The following YJU2B variants were observed in gnomAD, a reference collection of about 807,000 sequenced individuals.
YJU2B encodes the protein probable splicing factor YJU2B.
YJU2B carries 18 observed loss-of-function variants against 38.0 expected under a neutral mutation model. The observed-to-expected ratio is 0.47, with a 90% confidence interval of 0.33 to 0.70. The LOEUF (loss-of-function observed/expected upper bound fraction) is 0.70, where lower values mean the gene tolerates loss of function less well. YJU2B is among the 30% of genes least tolerant of loss of function. The probability of loss-of-function intolerance (pLI) is 0.02; values close to 1 mark genes in which losing one functional copy is unlikely to be tolerated. For synonymous variants in YJU2B, 246 were observed against 225.4 expected (o/e 1.09, Z -0.82); for missense variants, 538 against 556.3 (o/e 0.97, Z 0.33).
intron 2 of YJU2B, among the ~76,000 whole-genome samples, chr19:13,741,219 A>G (rs74183034): frequency 0.052 from 7,094 of 136,942 alleles, 253 homozygotes; most frequent in Non-Finnish European, 0.074. Context: ...CAATGGCGTG[A>G]TCTCAGCTCA....
In YJU2B at chr19:13,751,714, C is replaced by A; in HGVS notation, c.-95C>A. 4 of 1,350,850 alleles carry A rather than the reference C, an allele frequency of 3.0e-6. No individual in the cohort carries two copies. The highest frequency in any genetic ancestry group is 1.2e-5 in the South Asian group (1 of 85,066). 83.7% of individuals were successfully genotyped at this position (1,350,850 alleles called of 1,614,324 possible). A position where few individuals can be genotyped will look rare whatever the true frequency, so the allele number is the denominator to read the frequency against. On this transcript the variant is annotated 5_prime_UTR_variant, in exon 2 of 10. Coordinates refer to ENST00000221554, the MANE Select transcript of YJU2B (RefSeq NM_030818.4). ...GCAGGGAAGCCTGTGGACCCTCTGC[C>A]AGGCTCCACAAGAGGTCAGGACAGT...
chr19:13,762,286 G>T lies in YJU2B; in HGVS notation c.574-13G>T. 8.7e-6 allele frequency: 14 copies of T among 1,612,738 alleles called. No homozygotes were observed. The highest frequency in any genetic ancestry group is 1.3e-5 in the African/African-American group (1 of 74,892). Reference sequence around the variant, plus strand: ...ACACCCCCTATCTCTGGTGTTCTTGGCCCTCAACACAGGAAAAGAAAAAAG... The same window carrying T: ...ACACCCCCTATCTCTGGTGTTCTTGTCCCTCAACACAGGAAAAGAAAAAAG... On this transcript the variant is annotated splice_polypyrimidine_tract_variant and intron_variant, in intron 8 of 9. Coordinates refer to ENST00000221554, the MANE Select transcript of YJU2B (RefSeq NM_030818.4).
upstream of YJU2B, chr19:13,747,767 T>C (rs1311264835): frequency 6.6e-6 from 1 of 152,378 alleles, no homozygotes; most frequent in Non-Finnish European, 1.5e-5. Flanking sequence ...GGCGGGGCAT[T>C]CCTGGATTGG....
At chr19:13,760,515 A>C (rs2077857051) in intron 8 of YJU2B, among the ~76,000 whole-genome samples, 1 of 152,124 alleles carries the variant, frequency 6.6e-6, no homozygotes, top group Admixed American at 6.6e-5. Flanking sequence ...AATTTGGGGG[A>C]CACAGACATT....
chr19:13,736,008 C>T lies in YJU2B; in HGVS notation c.-202+3723C>T, dbSNP rs184547392. Among the ~76,000 whole-genome samples the T allele has an allele frequency of 4.3e-3, 643 of 148,994 alleles. 3 individuals carry two copies. Among genetic ancestry groups the T allele is most frequent in the African/African-American group, 0.015 (618 of 40,440 alleles). On this transcript the variant is annotated intron_variant, in intron 2 of 10. Transcript: ENST00000586600. Reference sequence around the variant, plus strand: ...CAGAGCTTGCAGTGAGCCGAGATCGCGCCACTACACTCCAGCCTGGGTGAC... The same window carrying T: ...CAGAGCTTGCAGTGAGCCGAGATCGTGCCACTACACTCCAGCCTGGGTGAC...
chr19:13,762,358 G>A lies in YJU2B; in HGVS notation c.633G>A (p.Ala211=), dbSNP rs547457153. Residue 211 remains alanine, a synonymous_variant, in exon 9 of 10, where the codon GCG becomes GCA. Coordinates refer to ENST00000221554, the MANE Select transcript of YJU2B (RefSeq NM_030818.4). The part of the protein sequence containing the change: ...EERDQALQAK[A]SLTIPLVPET... Reference sequence around the variant, plus strand: ...GAGACCAGGCCTTGCAGGCCAAGGCGAGCCTGACCATCCCGCTGGTGCCCG... The same window carrying A: ...GAGACCAGGCCTTGCAGGCCAAGGCAAGCCTGACCATCCCGCTGGTGCCCG... The A allele has an allele frequency of 3.7e-6, 6 of 1,613,978 alleles. No individual in the cohort carries two copies. Among genetic ancestry groups the A allele is most frequent in the South Asian group, 2.2e-5 (2 of 91,076 alleles).
intron 2 of YJU2B, among the ~76,000 whole-genome samples, chr19:13,753,448 C>T (rs1280948094): frequency 6.6e-6 from 1 of 152,070 alleles, no homozygotes; most frequent in African/African-American, 2.4e-5. Context: ...GTGGCACATG[C>T]CTGTAATCCC....
At chr19:13,755,459 CA>C (rs35675919) in intron 3 of YJU2B, among the ~76,000 whole-genome samples, 52,657 of 115,030 alleles carry the variant, frequency 0.46, 9,699 homozygotes, top group East Asian at 0.58. Context: ...GACTCTGTCT[CA>C]AAAAAAAAAA....
In YJU2B at chr19:13,762,945, T is replaced by A; in HGVS notation, c.1068T>A (p.Arg356=). ...GCCCGAGGGGGCAGGAAGGGAGCCG[T>A]CAGGACAAGCCCCTGTCGCCAGCAG... ...CSSPRGQEGS[R]QDKPLSPAGS... is the part of the protein sequence containing the mutation. Residue 356 remains arginine, a synonymous_variant, in exon 10 of 10, where the codon CGT becomes CGA. Coordinates refer to ENST00000221554, the MANE Select transcript of YJU2B (RefSeq NM_030818.4). 6.2e-7 allele frequency: 1 copy of A among 1,611,652 alleles called. No individual in the cohort carries two copies. Among genetic ancestry groups the A allele is most frequent in the South Asian group, 1.1e-5 (1 of 90,986 alleles).
chr19:13,762,878 G>A lies in YJU2B; in HGVS notation c.1001G>A (p.Gly334Glu). 1 of 1,610,802 alleles carries A rather than the reference G, an allele frequency of 6.2e-7. No individual in the cohort carries two copies. Among genetic ancestry groups the A allele is most frequent in the Non-Finnish European group, 8.5e-7 (1 of 1,179,276 alleles). ...EAAQDRPMSP[G>E]DCPPETTETP... ...GCCCAGGACCGGCCCATGTCCCCCG[G>A]AGACTGTCCTCCGGAAACAACTGAG... The change falls in exon 10 of 10, where the codon GGA (glycine) becomes GAA (glutamate). Residue 334 changes from glycine to glutamate, a missense_variant. Physicochemically the swap from Gly to Glu is moderately conservative, Grantham distance 98. Coordinates refer to ENST00000221554, the MANE Select transcript of YJU2B (RefSeq NM_030818.4).
chr19:13,756,649 C>T (rs932198181), intron 4 of YJU2B, among the ~76,000 whole-genome samples: 1 of 151,990 alleles, frequency 6.6e-6, no homozygotes, highest in Non-Finnish European at 1.5e-5. Context: ...AGCAGGCCAG[C>T]CTGGACTTGA....
chr19:13,749,339 A>G (rs1973367547), intron 1 of YJU2B, among the ~76,000 whole-genome samples: 1 of 152,090 alleles, frequency 6.6e-6, no homozygotes, highest in South Asian at 2.1e-4. Context: ...GTAGTTGGGG[A>G]AAAATCAAAA....
At position 13,763,147 on chromosome 19, in the gene YJU2B, C is replaced by T. The variant is rs1458595042; in HGVS notation, c.*79C>T. The stretch of plus-strand genomic sequence containing the variant: ...AGGCCCCTCACAGACTGCAGACCCC[C>T]GGCTCGCCCACCAGCCCTGGGAGAG... On this transcript the variant is annotated 3_prime_UTR_variant, in exon 10 of 10. Coordinates refer to ENST00000221554, the MANE Select transcript of YJU2B (RefSeq NM_030818.4). The T allele has an allele frequency of 3.2e-6, 4 of 1,245,986 alleles. No individual in the cohort carries two copies. The highest frequency in any genetic ancestry group is 2.8e-4 in the Middle Eastern group (1 of 3,522). 77.2% of individuals were successfully genotyped at this position (1,245,986 alleles called of 1,614,324 possible). A position where few individuals can be genotyped will look rare whatever the true frequency, so the allele number is the denominator to read the frequency against.
chr19:13,755,400 G>A (rs914956101), intron 3 of YJU2B, among the ~76,000 whole-genome samples: 2 of 150,518 alleles, frequency 1.3e-5, no homozygotes, highest in Non-Finnish European at 2.9e-5. Context: ...GGCGGAGGTT[G>A]CAGTGAGCCG....
intron 2 of YJU2B, 88 bp from the exon 3 acceptor site, chr19:13,754,201 A>G (rs964957928): frequency 5.6e-6 from 6 of 1,073,606 alleles, no homozygotes; most frequent in Admixed American, 1.8e-5. Context: ...AAAAAATCAG[A>G]AAAAATTTTT....
At chr19:13,757,320 C>T (rs1051243883) in intron 4 of YJU2B, 98 bp from the exon 5 acceptor site, 11 of 928,380 alleles carry the variant, frequency 1.2e-5, no homozygotes, top group Non-Finnish European at 1.9e-5. Flanking sequence ...TCTAATACCC[C>T]ACCCCTCAAA....
intron 2 of YJU2B, among the ~76,000 whole-genome samples, chr19:13,734,373 C>T (rs754942851): frequency 4.6e-5 from 7 of 151,798 alleles, no homozygotes; most frequent in Non-Finnish European, 8.8e-5. Context: ...CTCACTGCAA[C>T]CTCTGCCACC....
In YJU2B at chr19:13,754,317, A is replaced by G. The variant is rs771668885; in HGVS notation, c.32A>G (p.Tyr11Cys). ...GAAAGGAAAGGGGTCAACAAGTACT[A>G]TCCTCCAGACTTCAACCCTGAGAAG... is the stretch of plus-strand genomic sequence containing the variant. Reference protein sequence around the residue: MGERKGVNKYYPPDFNPEKHG... With the variant: MGERKGVNKYCPPDFNPEKHG... Residue 11 changes from tyrosine to cysteine, a missense_variant, in exon 3 of 10, where the codon TAT (tyrosine) becomes TGT (cysteine). By Grantham distance (194) the Tyr-to-Cys change is radical. This residue lies in a region of YJU2B where 50 missense variants were observed against 86.9 expected (regional missense o/e 0.58). Transcript: ENST00000221554. 6 of 1,613,894 alleles carry G rather than the reference A, an allele frequency of 3.7e-6. No individual in the cohort carries two copies. Among genetic ancestry groups the G allele is most frequent in the Non-Finnish European group, 5.1e-6 (6 of 1,179,772 alleles).
chr19:13,742,324 A>G (rs1037682481), intron 2 of YJU2B, among the ~76,000 whole-genome samples: 16 of 48,850 alleles, frequency 3.3e-4, no homozygotes, highest in Admixed American at 6.1e-4. Flanking sequence ...TTTTTTTTTG[A>G]GACGGAGTCT....
Sources: allele counts gnomAD v4.1 joint callset (sites outside exome capture counted in the v4.1 genomes callset), GRCh38; gene constraint gnomAD v4.1.1; regional missense constraint gnomAD v4.1.1; transcripts MANE v1.5; gene names NCBI Gene and HGNC (gene_info 2026-07-23, HGNC 2026-07-21).